Variants in IGSF10 observed in about 807,000 individuals in gnomAD.
IGSF10 encodes the protein calvaria mechanical force protein 608.
In IGSF10, 126 loss-of-function variants were observed where a neutral mutation model predicts 128.2. That is an observed-to-expected ratio of 0.98 (90% CI 0.85 to 1.14). The LOEUF is 1.14. IGSF10 is among the 50% of genes most tolerant of loss of function. The pLI, the probability that IGSF10 is intolerant of heterozygous loss-of-function variation, is 0.00. For missense variants in IGSF10, 3,295 were observed against 3,149.8 expected, an observed-to-expected ratio of 1.05 and a Z score of -1.10; for synonymous variants, 1,185 against 1,146.2, an observed-to-expected ratio of 1.03 and a Z score of -0.68.
the IGSF10 span, among the ~76,000 whole-genome samples, chr3:151,545,199 G>T: frequency 0.58 from 88,445 of 151,702 alleles, 26,806 homozygotes; most frequent in African/African-American, 0.74. Context: ...TTCTATTATT[G>T]TGGGCCTGTT....
In IGSF10 at chr3:151,448,418, A is replaced by G; in HGVS notation, c.1563T>C (p.Tyr521=). Residue 521 remains tyrosine, a synonymous_variant, in exon 6 of 8, where the codon TAT becomes TAC. Transcript: ENST00000282466. ...LADGSKVRAP[Y]VSEDGRILID... ...TTAGGATCCGTCCATCCTCACTGACATAAGGGGCTCTCACTTTACTTCCAT... is the reference window on the plus strand; with the variant it reads ...TTAGGATCCGTCCATCCTCACTGACGTAAGGGGCTCTCACTTTACTTCCAT... 2 of 1,614,250 alleles carry G rather than the reference A, an allele frequency of 1.2e-6. No homozygotes were observed. Among genetic ancestry groups the G allele is most frequent in the South Asian group, 1.1e-5 (1 of 91,088 alleles).
chr3:151,534,050 GA>G, the IGSF10 span, among the ~76,000 whole-genome samples: 1 of 152,070 alleles, frequency 6.6e-6, no homozygotes, highest in African/African-American at 2.4e-5. Context: ...ACAAACATAT[GA>G]AAAAAATCTC....
chr3:151,491,891 T>C, the IGSF10 span, among the ~76,000 whole-genome samples: 1 of 151,978 alleles, frequency 6.6e-6, no homozygotes, highest in African/African-American at 2.4e-5. Flanking sequence ...ATAAAAACCT[T>C]CAATAAAACA....
At chr3:151,574,420 T>A in the IGSF10 span, among the ~76,000 whole-genome samples, 1 of 152,314 alleles carries the variant, frequency 6.6e-6, no homozygotes, top group Non-Finnish European at 1.5e-5. Flanking sequence ...CTATTTCTCT[T>A]TACTCTTTTT....
the IGSF10 span, among the ~76,000 whole-genome samples, chr3:151,512,648 C>T: frequency 6.6e-6 from 1 of 151,776 alleles, no homozygotes; most frequent in Non-Finnish European, 1.5e-5. Flanking sequence ...CACAAAAAAC[C>T]CTTCAAAAAA....
chr3:151,528,783 C>A, the IGSF10 span, among the ~76,000 whole-genome samples: 1 of 145,984 alleles, frequency 6.9e-6, no homozygotes, highest in Non-Finnish European at 1.5e-5. Flanking sequence ...TGGGCAGACA[C>A]TGAGCTAGCT....
the IGSF10 span, among the ~76,000 whole-genome samples, chr3:151,609,943 T>C: frequency 1.3e-5 from 2 of 152,160 alleles, no homozygotes; most frequent in Non-Finnish European, 1.5e-5. Flanking sequence ...CATCATGCAG[T>C]ACACCCATGT....
At chr3:151,518,552 T>TA in the IGSF10 span, among the ~76,000 whole-genome samples, 1 of 151,952 alleles carries the variant, frequency 6.6e-6, no homozygotes, top group Non-Finnish European at 1.5e-5. Flanking sequence ...ACAATTGCTT[T>TA]AATGCAGTAA....
chr3:151,479,950 A>G, the IGSF10 span, among the ~76,000 whole-genome samples: 1 of 152,188 alleles, frequency 6.6e-6, no homozygotes, highest in Non-Finnish European at 1.5e-5. Flanking sequence ...AACGAAGAAA[A>G]AAAAAATAAG....
At chr3:151,576,603 A>T in the IGSF10 span, among the ~76,000 whole-genome samples, 1 of 152,234 alleles carries the variant, frequency 6.6e-6, no homozygotes, top group Admixed American at 6.5e-5. Context: ...TGATAAAACG[A>T]TGTGGTAAAG....
At chr3:151,611,968 A>G in the IGSF10 span, among the ~76,000 whole-genome samples, 1 of 152,304 alleles carries the variant, frequency 6.6e-6, no homozygotes, top group East Asian at 1.9e-4. Context: ...ATAAATAGGA[A>G]AATCAATTAC....
the IGSF10 span, among the ~76,000 whole-genome samples, chr3:151,483,363 C>A: frequency 5.3e-5 from 8 of 152,076 alleles, no homozygotes; most frequent in East Asian, 1.5e-3. Flanking sequence ...CTTAAAATTG[C>A]AGATTGTAAG....
At chr3:151,462,414 A>G (rs925182721), upstream of IGSF10, among the ~76,000 whole-genome samples, 3 of 152,218 alleles carry the variant, frequency 2.0e-5, no homozygotes, top group Non-Finnish European at 4.4e-5. Flanking sequence ...ATGCAGCTAC[A>G]ATGTGAGAAT....
chr3:151,618,865 G>A, the IGSF10 span, among the ~76,000 whole-genome samples: 10 of 150,974 alleles, frequency 6.6e-5, 1 homozygote, highest in African/African-American at 9.7e-5. Context: ...ACAAGAGCAG[G>A]CTTTTTTTCA....
Position 151,448,644 on chromosome 3 carries a change from C to A in IGSF10, c.1337G>T (p.Ser446Ile). ...ACTGGAGTACTGGATCTGTAATGTA[C>A]TGAATGTGGTGGCAGTTCTGTTCAG... Reference protein sequence around the residue: ...LQLNRTATTFSTLQIQYSSDA... With the variant: ...LQLNRTATTFITLQIQYSSDA... Residue 446 changes from serine to isoleucine, a missense_variant, in exon 6 of 8, where the codon AGT becomes ATT. By Grantham distance (142) the Ser-to-Ile change is moderately radical (BLOSUM62 -2). Coordinates refer to ENST00000282466, the MANE Select transcript of IGSF10 (RefSeq NM_178822.5). 1.9e-6 allele frequency: 3 copies of A among 1,614,064 alleles called. No homozygotes were observed. Among genetic ancestry groups the A allele is most frequent in the Non-Finnish European group, 2.5e-6 (3 of 1,180,022 alleles).
At chr3:151,616,430 C>A in the IGSF10 span, among the ~76,000 whole-genome samples, 4 of 152,096 alleles carry the variant, frequency 2.6e-5, no homozygotes, top group African/African-American at 4.8e-5. Context: ...ATATCCTTTT[C>A]TTTTTTATGG....
At chr3:151,513,648 G>C in the IGSF10 span, among the ~76,000 whole-genome samples, 1 of 152,150 alleles carries the variant, frequency 6.6e-6, no homozygotes, top group African/African-American at 2.4e-5. Flanking sequence ...AGGAAATAAA[G>C]GGCATTCAAC....
chr3:151,511,800 GAGA>G, the IGSF10 span, among the ~76,000 whole-genome samples: 1 of 151,970 alleles, frequency 6.6e-6, no homozygotes, highest in African/African-American at 2.4e-5. Context: ...CAAAAAAAAG[GAGA>G]AGTTGTAATC....
the IGSF10 span, among the ~76,000 whole-genome samples, chr3:151,581,192 C>T: frequency 2.6e-5 from 4 of 151,996 alleles, no homozygotes; most frequent in Non-Finnish European, 4.4e-5. Flanking sequence ...TTTTGTGGTG[C>T]TTAGTAAATA....
Sources: allele counts gnomAD v4.1 joint callset (sites outside exome capture counted in the v4.1 genomes callset), GRCh38; gene constraint gnomAD v4.1.1; transcripts MANE v1.5; gene names NCBI Gene and HGNC (gene_info 2026-07-23, HGNC 2026-07-21).